The following PCDHGB3 variants were observed in gnomAD, a reference collection of about 807,000 sequenced individuals.
The protein encoded by PCDHGB3 is protocadherin gamma subfamily B, 3, also known as protocadherin gamma-B3.
In PCDHGB3, 40 loss-of-function variants were observed where a neutral mutation model predicts 59.2. That is an observed-to-expected ratio of 0.68 (90% CI 0.52 to 0.88). PCDHGB3 has a LOEUF of 0.88. Ranked by LOEUF, PCDHGB3 falls within the 40% of genes least tolerant of loss-of-function variation. The pLI is 0.00. For missense variants in PCDHGB3, 1,309 were observed against 1,187.9 expected, an observed-to-expected ratio of 1.10 and a Z score of -1.50; for synonymous variants, 581 against 503.6, an observed-to-expected ratio of 1.15 and a Z score of -2.06.
In PCDHGB3 at chr5:141,433,358, C is replaced by CCTATCTATCTATCTAT. The variant is rs3074541; in HGVS notation, c.2415+60582_2415+60597dup. ...ACAGGTGCAAGCCACCTACTGTCTG[C>CCTATCTATCTATCTAT]CTATCTATCTATCTATCTATCTATC... On this transcript the variant is annotated intron_variant, in intron 1 of 3. Coordinates refer to ENST00000576222, the MANE Select transcript of PCDHGB3 (RefSeq NM_018924.5). 1.1e-3 allele frequency: 566 copies of CCTATCTATCTATCTAT among 504,038 alleles called. 2 individuals carry two copies. The highest frequency in any genetic ancestry group is 1.7e-3 in the East Asian group (49 of 28,778). The allele number at this position is 504,038 out of a possible 1,614,324, so 31.2% of individuals were successfully genotyped here.
At chr5:141,470,124 G>A (rs1038487398) in intron 1 of PCDHGB3, among the ~76,000 whole-genome samples, 4 of 151,358 alleles carry the variant, frequency 2.6e-5, no homozygotes, top group African/African-American at 9.7e-5. Flanking sequence ...GCAAGACTTC[G>A]TCTCAAAAAA....
intron 1 of PCDHGB3, among the ~76,000 whole-genome samples, chr5:141,462,574 C>T (rs1308899602): frequency 2.0e-5 from 3 of 152,036 alleles, no homozygotes; most frequent in Non-Finnish European, 4.4e-5. Context: ...TTGCTAATCC[C>T]ATCCAGTGAA....
intron 1 of PCDHGB3, chr5:141,389,727 T>C (rs1176419914): frequency 4.3e-6 from 7 of 1,612,724 alleles, no homozygotes; most frequent in Non-Finnish European, 5.9e-6. Context: ...GCCCGGGCTC[T>C]TCAGCCTGGG....
At chr5:141,392,956 T>G in intron 1 of PCDHGB3, 1 of 1,613,820 alleles carries the variant, frequency 6.2e-7, no homozygotes, top group South Asian at 1.1e-5. Context: ...GTGGGTAATA[T>G]CTCCAAGGAC....
intron 1 of PCDHGB3, chr5:141,412,979 C>A: frequency 1.8e-6 from 1 of 542,930 alleles, no homozygotes; most frequent in Non-Finnish European, 3.2e-6. Flanking sequence ...AAAACGCAGC[C>A]AGAGCTCAAT....
rs2099883887 is a variant in PCDHGB3, at chr5:141,511,641, ACC to A, written c.*469_*470del. 4.4e-6 allele frequency: 1 copy of A among 224,930 alleles called. No homozygotes were observed. Among genetic ancestry groups the A allele is most frequent in the Non-Finnish European group, 9.1e-6 (1 of 110,428 alleles). 13.9% of individuals were successfully genotyped at this position (224,930 alleles called of 1,614,324 possible). A position where few individuals can be genotyped will look rare whatever the true frequency, so the allele number is the denominator to read the frequency against. ...TCTGAAAAGTTGGAAGGGCATCATG[ACC>A]TCTTGGCCTCTCCTTTGATTCTCAA... On this transcript the variant is annotated 3_prime_UTR_variant, in exon 4 of 4. Coordinates refer to ENST00000576222, the MANE Select transcript of PCDHGB3 (RefSeq NM_018924.5).
At chr5:141,425,717 C>G (rs1207360676) in intron 1 of PCDHGB3, among the ~76,000 whole-genome samples, 1 of 152,188 alleles carries the variant, frequency 6.6e-6, no homozygotes, top group African/African-American at 2.4e-5. Context: ...TTTTCCCATA[C>G]CACTTGATGG....
At chr5:141,421,508 A>C in intron 1 of PCDHGB3, 1 of 1,614,046 alleles carries the variant, frequency 6.2e-7, no homozygotes, top group Non-Finnish European at 8.5e-7. Context: ...ATAGACCGGG[A>C]GGAGCTCTGT....
intron 1 of PCDHGB3, among the ~76,000 whole-genome samples, chr5:141,484,764 A>G (rs1469048336): frequency 6.6e-6 from 1 of 151,806 alleles, no homozygotes; most frequent in African/African-American, 2.4e-5. Flanking sequence ...ATATATATAT[A>G]TGTTGTCTGC....
chr5:141,394,196 C>T, intron 1 of PCDHGB3: 1 of 1,613,910 alleles, frequency 6.2e-7, no homozygotes, highest in Non-Finnish European at 8.5e-7. Flanking sequence ...CAGCGTATAT[C>T]CTAGAGAACA....
intron 1 of PCDHGB3, among the ~76,000 whole-genome samples, chr5:141,397,112 A>G (rs2093474994): frequency 6.6e-6 from 1 of 152,258 alleles, no homozygotes; most frequent in African/African-American, 2.4e-5. Flanking sequence ...GCAATCCACT[A>G]GAATATCCCT....
chr5:141,453,116 GT>G (rs2098756689), intron 1 of PCDHGB3, among the ~76,000 whole-genome samples: 1 of 151,698 alleles, frequency 6.6e-6, no homozygotes, highest in Admixed American at 6.6e-5. Context: ...GTTTTGTTTT[GT>G]TTTGTTTTGT....
At position 141,408,464 on chromosome 5, in the gene PCDHGB3, A is replaced by G. The variant is rs764186219; in HGVS notation, c.2415+35655A>G. ...GGAGAGCGGGGACTTACTTGTGAAG[A>G]ACCGAATAGACCGTGAGCAAATATG... On this transcript the variant is annotated intron_variant, in intron 1 of 3. Coordinates refer to ENST00000576222, the MANE Select transcript of PCDHGB3 (RefSeq NM_018924.5). The G allele has an allele frequency of 3.8e-5, 61 of 1,613,880 alleles. No homozygotes were observed. Among genetic ancestry groups the G allele is most frequent in the South Asian group, 1.4e-4 (13 of 91,024 alleles).
rs753050855 is a variant in PCDHGB3 at position 141,375,684 on chromosome 5, C to T, written c.2415+2875C>T. 4 of 1,614,272 alleles carry T rather than the reference C, an allele frequency of 2.5e-6. No individual in the cohort carries two copies. In the South Asian group the frequency reaches 4.4e-5, roughly 18 times the overall value. On this transcript the variant is annotated intron_variant, in intron 1 of 3. Coordinates refer to ENST00000576222, the MANE Select transcript of PCDHGB3 (RefSeq NM_018924.5). The stretch of plus-strand genomic sequence containing the variant: ...AGAGACCTACAGCTGTGGGTGACAG[C>T]CAGCGACAGCGGGGACCCGCCTCTT...
Position 141,371,857 on chromosome 5 carries a change from C to G in PCDHGB3, c.1463C>G (p.Ser488Cys), listed in dbSNP as rs1768115675. 6.2e-7 allele frequency: 1 copy of G among 1,613,484 alleles called. No individual in the cohort carries two copies. The highest frequency in any genetic ancestry group is 1.7e-5 in the Admixed American group (1 of 60,016). The change falls in exon 1 of 4, where the codon TCC becomes TGC. Residue 488 changes from serine to cysteine, a missense_variant. Ser to Cys is a moderately radical substitution (Grantham distance 112). Coordinates refer to ENST00000576222, the MANE Select transcript of PCDHGB3 (RefSeq NM_018924.5). ...DPDLGPNGLV[S>C]YYIVASDLEP... is the part of the protein sequence containing the mutation. ...GACTTGGGACCTAATGGCCTTGTCTCCTACTACATCGTGGCCAGTGACCTG... is the reference window on the plus strand; with the variant it reads ...GACTTGGGACCTAATGGCCTTGTCTGCTACTACATCGTGGCCAGTGACCTG...
At chr5:141,488,834 G>A (rs976460724) in intron 1 of PCDHGB3, among the ~76,000 whole-genome samples, 1 of 152,160 alleles carries the variant, frequency 6.6e-6, no homozygotes, top group Admixed American at 6.5e-5. Context: ...GCTGCCAAGG[G>A]GGCTGAATCA....
At position 141,422,164 on chromosome 5, in the gene PCDHGB3, T is replaced by C. The variant is rs2096630287; in HGVS notation, c.2415+49355T>C. 2 of 1,568,668 alleles carry C rather than the reference T, an allele frequency of 1.3e-6. No homozygotes were observed. Among genetic ancestry groups the C allele is most frequent in the Non-Finnish European group, 1.7e-6 (2 of 1,162,894 alleles). On this transcript the variant is annotated intron_variant, in intron 1 of 3. Coordinates refer to ENST00000576222, the MANE Select transcript of PCDHGB3 (RefSeq NM_018924.5). ...ACGGGGGTCTCTGGATTTTGAAAAA[T>C]ATAGATTCTATGAGATGGAAATTCA... is the stretch of plus-strand genomic sequence containing the variant.
chr5:141,385,110 C>G (rs1315178545), intron 1 of PCDHGB3: 2 of 1,614,194 alleles, frequency 1.2e-6, no homozygotes, highest in South Asian at 2.2e-5. Flanking sequence ...ACGTGCCCAC[C>G]TCGCACTTTG....
intron 1 of PCDHGB3, chr5:141,417,960 G>T (rs2096199953): frequency 1.2e-6 from 2 of 1,613,624 alleles, no homozygotes; most frequent in African/African-American, 1.3e-5. Context: ...GAGCCGATCC[G>T]CTACTCGATT....
Sources: allele counts gnomAD v4.1 joint callset (sites outside exome capture counted in the v4.1 genomes callset), GRCh38; gene constraint gnomAD v4.1.1; transcripts MANE v1.5; gene names NCBI Gene and HGNC (gene_info 2026-07-23, HGNC 2026-07-21).